The following FAM228B variants were observed in gnomAD, a reference collection of about 807,000 sequenced individuals.
FAM228B encodes protein FAM228B.
Under a neutral mutation model 42.6 loss-of-function variants are expected in FAM228B, and 38 were observed. The observed-to-expected ratio is 0.89, with a 90% CI of 0.69 to 1.17. FAM228B has a LOEUF of 1.17. Ranked by LOEUF, FAM228B falls within the 50% of genes most tolerant of loss-of-function variation. FAM228B has a pLI of 0.00. For missense variants in FAM228B, 344 were observed against 367.3 expected (o/e 0.94, Z 0.52); for synonymous variants, 109 against 122.3 (o/e 0.89, Z 0.72).
At chr2:24,083,096 T>A (rs1665087490) in intron 2 of FAM228B, 1 of 1,614,120 alleles carries the variant, frequency 6.2e-7, no homozygotes. Flanking sequence ...CATGTCCAGA[T>A]GCCTCAAGTC....
intron 7 of FAM228B, among the ~76,000 whole-genome samples, chr2:24,157,493 T>C (rs936191708): frequency 4.6e-5 from 7 of 151,866 alleles, no homozygotes; most frequent in African/African-American, 1.7e-4. Flanking sequence ...ATCCCAGCAC[T>C]CTGGGAGGCT....
intron 5 of FAM228B, among the ~76,000 whole-genome samples, chr2:24,144,397 G>T (rs1308897496): frequency 2.6e-5 from 4 of 152,212 alleles, no homozygotes; most frequent in African/African-American, 9.6e-5. Context: ...CTGCACTCCA[G>T]CCTGGACGAC....
chr2:24,083,058 C>T, intron 2 of FAM228B: 1 of 1,614,178 alleles, frequency 6.2e-7, no homozygotes, highest in Non-Finnish European at 8.5e-7. Context: ...CTTCCAGTGT[C>T]CCTGGCAGCC....
intron 3 of FAM228B, among the ~76,000 whole-genome samples, chr2:24,116,306 C>T (rs373249101): frequency 2.0e-5 from 3 of 151,910 alleles, no homozygotes; most frequent in African/African-American, 2.4e-5. Context: ...CCAGCCTGAG[C>T]GACAGAGCGA....
Position 24,156,783 on chromosome 2 carries a change from C to T in FAM228B, c.687-4723C>T, listed in dbSNP as rs992479911. Among the ~76,000 whole-genome samples, 80 of 125,602 alleles carry T rather than the reference C, an allele frequency of 6.4e-4. 3 individuals are homozygous for T. Among genetic ancestry groups the T allele is most frequent in the South Asian group, 1.5e-3 (5 of 3,284 alleles). The allele number at this position is 125,602 out of a possible 152,430, so 82.4% of individuals were successfully genotyped here. A position where few individuals can be genotyped will look rare whatever the true frequency, so the allele number is the denominator to read the frequency against. ...TTATACATTTCTTTCCGCCCCCCCC[C>T]CCCCAGCTTTTTGTTTCATTTATCT... On this transcript the variant is annotated intron_variant, in intron 7 of 10. Coordinates refer to ENST00000615575, the MANE Select transcript of FAM228B (RefSeq NM_001145710.2).
At chr2:24,107,917 C>A (rs1665726451) in intron 3 of FAM228B, among the ~76,000 whole-genome samples, 1 of 151,990 alleles carries the variant, frequency 6.6e-6, no homozygotes, top group Non-Finnish European at 1.5e-5. Flanking sequence ...CAAGAAATAA[C>A]CAAAATCAGA....
At chr2:24,079,318 A>T in intron 1 of FAM228B, 1 of 990,000 alleles carries the variant, frequency 1.0e-6, no homozygotes, top group Non-Finnish European at 1.5e-6. Flanking sequence ...TTATCTTCAG[A>T]GGGGGAGGTT....
chr2:24,167,934 C>G (rs1245744506), intron 10 of FAM228B: 1 of 411,074 alleles, frequency 2.4e-6, no homozygotes, highest in East Asian at 4.3e-5. Flanking sequence ...GAGAAAATTC[C>G]TATTGCTTGG....
intron 2 of FAM228B, among the ~76,000 whole-genome samples, chr2:24,092,725 A>T (rs182698816): frequency 1.3e-5 from 2 of 152,306 alleles, no homozygotes; most frequent in African/African-American, 2.4e-5. Flanking sequence ...GATCATAGTA[A>T]CAAAAATTTA....
intron 5 of FAM228B, among the ~76,000 whole-genome samples, chr2:24,141,132 A>C (rs1358268582): frequency 6.6e-6 from 1 of 151,620 alleles, no homozygotes; most frequent in Non-Finnish European, 1.5e-5. Flanking sequence ...CTGGAGTGCA[A>C]TGGCACGATC....
At position 24,084,441 on chromosome 2, in the gene FAM228B, C is replaced by A. The variant is rs922160777; in HGVS notation, c.-210+3486C>A. 3 of 1,328,542 alleles carry A rather than the reference C, an allele frequency of 2.3e-6. No individual in the cohort carries two copies. Among genetic ancestry groups the A allele is most frequent in the African/African-American group, 3.0e-5 (2 of 66,078 alleles). 82.3% of individuals were successfully genotyped at this position (1,328,542 alleles called of 1,614,324 possible). ...CAGGGGCCGCTGTATCCTCGCGGAG[C>A]AGCCCAGCCTCAGGCTGGCACCGCA... is the stretch of plus-strand genomic sequence containing the variant. On this transcript the variant is annotated intron_variant, in intron 2 of 10. Coordinates refer to the FAM228B transcript ENST00000613899. This position sits in a 1 kb window ranked among gnomAD's most constrained non-coding sequence, Gnocchi z 8.4.
At chr2:24,163,778 A>G (rs1667335815) in intron 8 of FAM228B, among the ~76,000 whole-genome samples, 1 of 152,188 alleles carries the variant, frequency 6.6e-6, no homozygotes, top group South Asian at 2.1e-4. Context: ...CCTGTATTTT[A>G]GACTAGAGGC....
intron 2 of FAM228B, among the ~76,000 whole-genome samples, chr2:24,133,902 A>G (rs1416006707): frequency 6.6e-6 from 1 of 152,194 alleles, no homozygotes; most frequent in Non-Finnish European, 1.5e-5. Flanking sequence ...ACAGAGCAAG[A>G]CTGTCTCCAA....
At chr2:24,082,792 G>A (rs548107750) in intron 2 of FAM228B, 2 of 1,453,324 alleles carry the variant, frequency 1.4e-6, no homozygotes, top group African/African-American at 1.4e-5. Context: ...AGGAAGGCCT[G>A]GGAGTGCCCT....
At chr2:24,164,523 C>A (rs920480006) in intron 9 of FAM228B, among the ~76,000 whole-genome samples, 188 bp downstream of exon 9, 1 of 149,364 alleles carries the variant, frequency 6.7e-6, no homozygotes, top group Non-Finnish European at 1.5e-5. Context: ...CTGCCCTGGC[C>A]CCCTGGTGGA....
rs1279957192 is a variant in FAM228B, at chr2:24,124,574, TTTA to T, written c.99+120_99+122del. On this transcript the variant is annotated intron_variant, in intron 2 of 10. Transcript: ENST00000615575. ...TATTGTTTGTTTTTATTTCATTCTGTTTATTATTCCCTTCACTTTACTAACTTT... is the reference window on the plus strand; with the variant it reads ...TATTGTTTGTTTTTATTTCATTCTGTTTATTCCCTTCACTTTACTAACTTT... The T allele has an allele frequency of 9.4e-6, 6 of 639,316 alleles. No homozygotes were observed. In the East Asian group the frequency reaches 1.1e-4, roughly 12 times the overall value. 39.6% of individuals were successfully genotyped at this position (639,316 alleles called of 1,614,324 possible).
chr2:24,129,874 A>G (rs1056548848), intron 2 of FAM228B, among the ~76,000 whole-genome samples: 1 of 152,168 alleles, frequency 6.6e-6, no homozygotes, highest in East Asian at 1.9e-4. Context: ...ACATAGGTAT[A>G]TATATGCCAT....
At chr2:24,081,008 C>T in intron 2 of FAM228B, 1 of 1,614,108 alleles carries the variant, frequency 6.2e-7, no homozygotes, top group South Asian at 1.1e-5. Context: ...TGGATTAGCA[C>T]ATAGTCTCCA....
intron 3 of FAM228B, among the ~76,000 whole-genome samples, chr2:24,111,386 A>G (rs1665792992): frequency 6.6e-6 from 1 of 152,108 alleles, no homozygotes; most frequent in Non-Finnish European, 1.5e-5. Flanking sequence ...GTGGTTACAC[A>G]TTCCTTCTAC....
Sources: gnomAD v4.1 joint callset for allele counts (sites outside exome capture counted in the v4.1 genomes callset) on GRCh38, gnomAD v4.1.1 for gene constraint, Gnocchi (gnomAD v3.1) non-coding constraint, MANE v1.5 for transcripts, NCBI Gene and HGNC (gene_info 2026-07-23, HGNC 2026-07-21) for gene names.